CCDC7: variants seen among roughly 807,000 people sequenced by gnomAD.
The protein encoded by CCDC7 is coiled-coil domain-containing protein 7.
Under a neutral mutation model 196.9 loss-of-function variants are expected in CCDC7, and 183 were observed. The ratio of observed to expected loss-of-function variants is 0.93; its 90% CI spans 0.82 to 1.05. The LOEUF (loss-of-function observed/expected upper bound fraction) is 1.05, where lower values mean the gene tolerates loss of function less well. CCDC7 is among the 50% of genes least tolerant of loss of function. The pLI is 0.00. For synonymous variants in CCDC7, 525 were observed against 484.6 expected, an observed-to-expected ratio of 1.08 and a Z score of -1.10; for missense variants, 1,540 against 1,482.2, an observed-to-expected ratio of 1.04 and a Z score of -0.64.
At chr10:32,609,398 C>A (rs2061859724) in intron 18 of CCDC7, among the ~76,000 whole-genome samples, 2 of 152,018 alleles carry the variant, frequency 1.3e-5, no homozygotes, top group South Asian at 2.1e-4. Context: ...GACTTAGAGT[C>A]TTTTTTATCT....
intron 18 of CCDC7, among the ~76,000 whole-genome samples, chr10:32,628,794 G>A (rs1347662278): frequency 6.6e-6 from 1 of 151,848 alleles, no homozygotes; most frequent in Non-Finnish European, 1.5e-5. Context: ...TCATTTCCAT[G>A]TATTTGTGAA....
At chr10:32,542,766 A>C (rs538186443) in intron 11 of CCDC7, among the ~76,000 whole-genome samples, 1 of 152,120 alleles carries the variant, frequency 6.6e-6, no homozygotes, top group Non-Finnish European at 1.5e-5. Flanking sequence ...CCACTGTGCA[A>C]TAACTCACAA....
At chr10:32,845,944 C>T in exon 36 of CCDC7, 1 of 1,610,898 alleles carries the variant, frequency 6.2e-7, no homozygotes, top group Non-Finnish European at 8.5e-7. Context: ...CACTACACAA[C>T]TGAAGAGTCA....
chr10:32,786,771 C>T (rs1036648067), intron 29 of CCDC7, among the ~76,000 whole-genome samples: 12 of 151,338 alleles, frequency 7.9e-5, no homozygotes, highest in African/African-American at 1.5e-4. Flanking sequence ...AACAAACAAA[C>T]AAAAAAAGAA....
intron 8 of CCDC7, among the ~76,000 whole-genome samples, chr10:32,486,123 T>A (rs550045177): frequency 6.6e-6 from 1 of 152,230 alleles, no homozygotes. Flanking sequence ...TATTATTGTG[T>A]GGGAGTCTAC....
chr10:32,449,705 T>G (rs2032494230), upstream of CCDC7, among the ~76,000 whole-genome samples: 1 of 152,220 alleles, frequency 6.6e-6, no homozygotes, highest in Non-Finnish European at 1.5e-5. Flanking sequence ...AATGCTTGTG[T>G]CATCCCCAAA....
intron 20 of CCDC7, among the ~76,000 whole-genome samples, chr10:32,663,315 G>A (rs2071914365): frequency 6.6e-6 from 1 of 152,110 alleles, no homozygotes; most frequent in African/African-American, 2.4e-5. Flanking sequence ...AACATGCATT[G>A]TAGACACTCA....
chr10:32,588,301 T>C (rs1389404521), intron 18 of CCDC7, among the ~76,000 whole-genome samples: 2 of 152,248 alleles, frequency 1.3e-5, no homozygotes, highest in African/African-American at 4.8e-5. Flanking sequence ...ATAAATGTAC[T>C]TTATCATGTT....
intron 28 of CCDC7, among the ~76,000 whole-genome samples, chr10:32,753,607 C>A (rs1430274619): frequency 6.6e-6 from 1 of 152,094 alleles, no homozygotes; most frequent in Non-Finnish European, 1.5e-5. Context: ...TATAGGAAAT[C>A]TTAGAAGAAT....
intron 20 of CCDC7, among the ~76,000 whole-genome samples, chr10:32,638,971 T>G (rs1017366789): frequency 2.0e-5 from 3 of 152,166 alleles, no homozygotes; most frequent in Admixed American, 6.5e-5. Flanking sequence ...GGATGTTTGT[T>G]TTGAAGAATT....
intron 8 of CCDC7, among the ~76,000 whole-genome samples, chr10:32,479,133 G>A (rs117700185): frequency 0.014 from 2,103 of 152,070 alleles, 31 homozygotes; most frequent in Middle Eastern, 0.027. Flanking sequence ...CCATGTGGTC[G>A]GTAGGGATGG....
intron 9 of CCDC7, among the ~76,000 whole-genome samples, chr10:32,517,374 T>G (rs1305819669): frequency 1.3e-5 from 2 of 152,026 alleles, no homozygotes; most frequent in African/African-American, 2.4e-5. Flanking sequence ...AACCCACTAA[T>G]AAAAATTACA....
At chr10:32,599,493 C>T (rs1039289110) in intron 18 of CCDC7, among the ~76,000 whole-genome samples, 8 of 152,250 alleles carry the variant, frequency 5.3e-5, no homozygotes, top group Admixed American at 5.2e-4. Flanking sequence ...ATTTCCCCTG[C>T]ATTTTCCTCC....
chr10:32,804,982 G>T, intron 29 of CCDC7, 33 bp from the exon 31 acceptor site: 1 of 1,388,834 alleles, frequency 7.2e-7, no homozygotes, highest in Non-Finnish European at 1.0e-6. Flanking sequence ...GGATTACCTC[G>T]CAAAGTATTT....
At chr10:32,676,509 A>C (rs565031951) in intron 21 of CCDC7, among the ~76,000 whole-genome samples, 8 of 152,138 alleles carry the variant, frequency 5.3e-5, no homozygotes, top group Middle Eastern at 3.4e-3. Flanking sequence ...CAATGAACTC[A>C]AACAAATTTA....
At chr10:32,700,344 TG>T (rs1395848105) in intron 24 of CCDC7, among the ~76,000 whole-genome samples, 1 of 149,486 alleles carries the variant, frequency 6.7e-6, no homozygotes, top group Admixed American at 6.6e-5. Flanking sequence ...TTGTCAGGTT[TG>T]TCAAAGATCA....
chr10:32,588,512 T>A (rs1005098745), intron 18 of CCDC7, among the ~76,000 whole-genome samples: 4 of 152,218 alleles, frequency 2.6e-5, no homozygotes, highest in Non-Finnish European at 5.9e-5. Flanking sequence ...GGATAAATCC[T>A]ACTTGGTCTT....
At chr10:32,457,939 A>C (rs79581027) in intron 3 of CCDC7, among the ~76,000 whole-genome samples, 6,572 of 151,602 alleles carry the variant, frequency 0.043, 468 homozygotes, top group African/African-American at 0.15. Context: ...TTGTTAGATG[A>C]ATTTTTTTTT....
At chr10:32,483,024 T>G (rs528048212) in intron 8 of CCDC7, among the ~76,000 whole-genome samples, 5 of 152,322 alleles carry the variant, frequency 3.3e-5, no homozygotes, top group Non-Finnish European at 7.3e-5. Flanking sequence ...AGTAATGGGA[T>G]TGCTGGGTCA....
Sources: gnomAD v4.1 joint callset for allele counts (sites outside exome capture counted in the v4.1 genomes callset) on GRCh38, gnomAD v4.1.1 for gene constraint, MANE v1.5 for transcripts, NCBI Gene and HGNC (gene_info 2026-07-23, HGNC 2026-07-21) for gene names.